The following SCUBE1 variants were observed in gnomAD, a reference collection of about 807,000 sequenced individuals.
The protein encoded by SCUBE1 is signal peptide, CUB domain and EGF like domain containing 1.
A neutral mutation model predicts 124.4 loss-of-function variants in SCUBE1; 59 were observed. The ratio of observed to expected loss-of-function variants is 0.47; its 90% CI spans 0.38 to 0.59. The LOEUF is 0.59. Ranked by LOEUF, SCUBE1 falls within the 20% of genes least tolerant of loss-of-function variation. The probability of loss-of-function intolerance (pLI) is 0.00; values close to 1 mark genes in which losing one functional copy is unlikely to be tolerated. For synonymous variants in SCUBE1, 545 were observed against 550.9 expected (o/e 0.99, Z 0.15); for missense variants, 1,150 against 1,371.2 (o/e 0.84, Z 2.55).
intron 3 of SCUBE1, among the ~76,000 whole-genome samples, chr22:43,299,913 A>T (rs564400727): frequency 3.3e-5 from 5 of 152,306 alleles, no homozygotes; most frequent in African/African-American, 1.2e-4. Flanking sequence ...TCCTTCACTT[A>T]GCATGTTTTC....
intron 7 of SCUBE1, among the ~76,000 whole-genome samples, chr22:43,236,447 C>T (rs1004301991): frequency 6.6e-6 from 1 of 152,240 alleles, no homozygotes; most frequent in African/African-American, 2.4e-5. Flanking sequence ...CTGTGCCTGG[C>T]TGTTGGTCTT....
At chr22:43,246,834 C>T (rs752893236) in intron 6 of SCUBE1, among the ~76,000 whole-genome samples, 2 of 152,204 alleles carry the variant, frequency 1.3e-5, no homozygotes, top group Admixed American at 1.3e-4. Context: ...CAGTGATGTG[C>T]TCCCCACTCC....
At position 43,262,808 on chromosome 22, in the gene SCUBE1, G is replaced by A; in HGVS notation, c.522C>T (p.Ala174=). 2 of 1,614,196 alleles carry A rather than the reference G, an allele frequency of 1.2e-6. No homozygotes were observed. The highest frequency in any genetic ancestry group is 1.7e-6 in the Non-Finnish European group (2 of 1,180,040). Residue 174 remains alanine (A), a synonymous_variant, in exon 5 of 22, where the codon GCC becomes GCT. Transcript: ENST00000360835. ...CTTTGGGCGTCTCCCGGCAGATGTG[G>A]GCACAGCCATGGTCTTTGTTCATGC... is the stretch of plus-strand genomic sequence containing the variant. ...MNCMNKDHGC[A]HICRETPKGG... is the part of the protein sequence containing the mutation.
intron 2 of SCUBE1, among the ~76,000 whole-genome samples, chr22:43,327,718 C>T (rs887790580): frequency 1.3e-5 from 2 of 152,112 alleles, no homozygotes; most frequent in Non-Finnish European, 2.9e-5. Context: ...ACCCGGGAGG[C>T]GGAGGTTGCA....
intron 1 of SCUBE1, among the ~76,000 whole-genome samples, chr22:43,339,723 ATT>A (rs1569037985): frequency 8.4e-4 from 69 of 81,892 alleles, no homozygotes; most frequent in East Asian, 7.5e-3. Context: ...CACTCTCCTC[ATT>A]CTACCCCCCA....
In SCUBE1 at chr22:43,220,435, G is replaced by T; in HGVS notation, c.1687+15C>A. 3 of 1,611,888 alleles carry T rather than the reference G, an allele frequency of 1.9e-6. No individual in the cohort carries two copies. Among genetic ancestry groups the T allele is most frequent in the South Asian group, 1.1e-5 (1 of 90,852 alleles). Reference sequence around the variant, plus strand: ...TTCAGGCCTGCAGAAGCCCCCAGGAGAACCCCTCACCTACCTGAGGCCTCT... The same window carrying T: ...TTCAGGCCTGCAGAAGCCCCCAGGATAACCCCTCACCTACCTGAGGCCTCT... On this transcript the variant is annotated intron_variant, in intron 14 of 21. Transcript: ENST00000360835.
At position 43,223,232 on chromosome 22, in the gene SCUBE1, C is replaced by A. The variant is rs372164330; in HGVS notation, c.1208-16G>T. On this transcript the variant is annotated splice_polypyrimidine_tract_variant and intron_variant, in intron 10 of 21. Transcript: ENST00000360835. ...TTGCCTGTCTCTATGAAGGGAGATACGAGAGAGGGCTGAGAGAGGCCAGGG... is the reference window on the plus strand; with the variant it reads ...TTGCCTGTCTCTATGAAGGGAGATAAGAGAGAGGGCTGAGAGAGGCCAGGG... 1.4e-4 allele frequency: 217 copies of A among 1,562,254 alleles called. No homozygotes were observed. The highest frequency in any genetic ancestry group is 1.8e-4 in the Non-Finnish European group (210 of 1,163,786).
rs565582208 is a variant in SCUBE1, at chr22:43,330,604, A to T, written c.220+8500T>A. Among the ~76,000 whole-genome samples, 4 of 152,350 alleles carry T rather than the reference A, an allele frequency of 2.6e-5. No homozygotes were observed. The East Asian group carries it at 7.7e-4, about 29-fold the overall frequency. ...GCTCAGTGAACATTCTTGATACTCA[A>T]CTGAATCCAGTCCAGTGCACACACA... On this transcript the variant is annotated intron_variant, in intron 2 of 21. Coordinates refer to ENST00000360835, the MANE Select transcript of SCUBE1 (RefSeq NM_173050.5).
Position 43,326,339 on chromosome 22 carries a change from T to C in SCUBE1, c.221-6274A>G, listed in dbSNP as rs187065953. ...GTGCCCTCCTTAGATCAGGCAACCA[T>C]TCGGGGAGAGATGTATGGCTTAGGA... On this transcript the variant is annotated intron_variant, in intron 2 of 21. Transcript: ENST00000360835. Among the ~76,000 whole-genome samples the C allele has an allele frequency of 2.0e-3, 299 of 152,296 alleles. 1 individual carries two copies. The highest frequency in any genetic ancestry group is 3.4e-3 in the Middle Eastern group (1 of 294).
intron 3 of SCUBE1, among the ~76,000 whole-genome samples, chr22:43,295,647 C>A (rs966425602): frequency 2.0e-5 from 3 of 152,236 alleles, no homozygotes; most frequent in African/African-American, 7.2e-5. Flanking sequence ...CTGAACACAG[C>A]CCACCCATTC....
At chr22:43,300,479 T>C (rs1045707775) in intron 3 of SCUBE1, among the ~76,000 whole-genome samples, 2 of 152,094 alleles carry the variant, frequency 1.3e-5, no homozygotes, top group African/African-American at 2.4e-5. Context: ...ACGGGCTCTA[T>C]GCTGTCTGTG....
At chr22:43,274,423 A>G (rs1031216994) in intron 4 of SCUBE1, among the ~76,000 whole-genome samples, 1 of 152,228 alleles carries the variant, frequency 6.6e-6, no homozygotes, top group Non-Finnish European at 1.5e-5. Context: ...TGCCCTCCAC[A>G]GGGACCCTAA....
chr22:43,251,305 G>A (rs1444560006), intron 6 of SCUBE1, among the ~76,000 whole-genome samples: 2 of 152,188 alleles, frequency 1.3e-5, no homozygotes, highest in African/African-American at 4.8e-5. Flanking sequence ...CCAGTGAAAA[G>A]GGCAGGTGTG....
intron 4 of SCUBE1, chr22:43,270,227 G>A (rs139730472): frequency 4.6e-5 from 7 of 152,300 alleles, no homozygotes; most frequent in East Asian, 1.9e-4. Flanking sequence ...AAACAAATGC[G>A]TTCCATCTTT....
At chr22:43,310,636 G>C (rs1601880816) in intron 3 of SCUBE1, among the ~76,000 whole-genome samples, 1 of 152,230 alleles carries the variant, frequency 6.6e-6, no homozygotes, top group Non-Finnish European at 1.5e-5. Context: ...TTGCGCCACA[G>C]AATTCATGAG....
At chr22:43,285,108 A>G (rs1925085604) in intron 4 of SCUBE1, among the ~76,000 whole-genome samples, 1 of 152,202 alleles carries the variant, frequency 6.6e-6, no homozygotes, top group Admixed American at 6.5e-5. Flanking sequence ...CCAGCAGAGC[A>G]GCTGCACAGC....
chr22:43,221,695 A>G (rs185483223), intron 12 of SCUBE1, among the ~76,000 whole-genome samples: 7 of 152,342 alleles, frequency 4.6e-5, no homozygotes, highest in Non-Finnish European at 1.0e-4. Context: ...GTTCCTTGCA[A>G]GAGCAAATCA....
Position 43,210,320 on chromosome 22 carries a change from G to A in SCUBE1, c.2384-80C>T. 1 of 1,283,132 alleles carries A rather than the reference G, an allele frequency of 7.8e-7. No individual in the cohort carries two copies. The highest frequency in any genetic ancestry group is 1.0e-6 in the Non-Finnish European group (1 of 960,012). The allele number at this position is 1,283,132 out of a possible 1,614,324, so 79.5% of individuals were successfully genotyped here. A position where few individuals can be genotyped will look rare whatever the true frequency, so the allele number is the denominator to read the frequency against. On this transcript the variant is annotated intron_variant, in intron 18 of 21. Transcript: ENST00000360835. This position sits in a 1 kb window ranked among gnomAD's most constrained non-coding sequence, Gnocchi z 4.5. ...GCCGGCCAGGCCTCTAACCACCTGG[G>A]AGGCCTAGGGCAGGGCTGGAAGGTG... is the stretch of plus-strand genomic sequence containing the variant.
intron 2 of SCUBE1, among the ~76,000 whole-genome samples, chr22:43,322,890 A>G (rs952967538): frequency 2.0e-5 from 3 of 152,178 alleles, no homozygotes; most frequent in African/African-American, 7.2e-5. Context: ...TGAAATATAC[A>G]CCAGCCCTTT....
Sources: gnomAD v4.1 joint callset for allele counts (sites outside exome capture counted in the v4.1 genomes callset) on GRCh38, gnomAD v4.1.1 for gene constraint, Gnocchi (gnomAD v3.1) non-coding constraint, MANE v1.5 for transcripts, NCBI Gene and HGNC (gene_info 2026-07-23, HGNC 2026-07-21) for gene names.